The following HOXA3 variants were observed in gnomAD, a reference collection of about 807,000 sequenced individuals.
HOXA3 encodes homeobox protein Hox-A3.
In HOXA3, 8 loss-of-function variants were observed where a neutral mutation model predicts 30.3. The observed-to-expected ratio is 0.26, with a 90% CI of 0.15 to 0.48. The LOEUF (loss-of-function observed/expected upper bound fraction) is 0.48, where lower values mean the gene tolerates loss of function less well. Ranked by LOEUF, HOXA3 falls within the 20% of genes least tolerant of loss-of-function variation. HOXA3 has a pLI of 0.99. For synonymous variants in HOXA3, 323 were observed against 273.1 expected (o/e 1.18, Z -1.80); for missense variants, 653 against 614.4 (o/e 1.06, Z -0.66).
In HOXA3 at chr7:27,152,484, G is replaced by C. The variant is rs55976669; in HGVS notation, c.-690C>G. The C allele has an allele frequency of 2.0e-6, 2 of 985,994 alleles. No homozygotes were observed. The highest frequency in any genetic ancestry group is 3.3e-5 in the African/African-American group (2 of 59,806). 61.1% of individuals were successfully genotyped at this position (985,994 alleles called of 1,614,324 possible). ...GGGAGCCGCCAGGCCTGGCCTGGCC[G>C]GGGCTTCCCTTCGCTCGCCATCTCC... On this transcript the variant is annotated 5_prime_UTR_variant, in exon 1 of 6. Coordinates refer to ENST00000612286, the MANE Select transcript of HOXA3 (RefSeq NM_153631.3).
chr7:27,137,029 G>A (rs993256047), intron 2 of HOXA3, among the ~76,000 whole-genome samples: 2 of 152,200 alleles, frequency 1.3e-5, no homozygotes, highest in African/African-American at 4.8e-5. Context: ...GCAAGCCATG[G>A]ACAGACCCCC....
rs753562339 is a variant in HOXA3 at position 27,130,714 on chromosome 7, A to G, written c.-389-3644T>C. ...GGGCTCGATGTAGTTGGAGTTTATC[A>G]AAAACGAGCTCATGGTCATTAATTT... On this transcript the variant is annotated intron_variant, in intron 2 of 5. Coordinates refer to ENST00000612286, the MANE Select transcript of HOXA3 (RefSeq NM_153631.3). The G allele has an allele frequency of 2.5e-6, 4 of 1,607,452 alleles. No individual in the cohort carries two copies. Among genetic ancestry groups the G allele is most frequent in the African/African-American group, 1.3e-5 (1 of 74,624 alleles).
chr7:27,148,740 C>A (rs1280546929), intron 1 of HOXA3, among the ~76,000 whole-genome samples: 2 of 152,268 alleles, frequency 1.3e-5, no homozygotes, highest in Non-Finnish European at 2.9e-5. Context: ...TGCTCCCCTG[C>A]CTAGCGCCTG....
intron 1 of HOXA3, among the ~76,000 whole-genome samples, chr7:27,144,025 G>A (rs1339263835): frequency 6.6e-6 from 1 of 152,232 alleles, no homozygotes; most frequent in Non-Finnish European, 1.5e-5. Context: ...CATTTCCCTC[G>A]CAGTTCCATT....
rs1213283997 is a variant in HOXA3 at position 27,151,543 on chromosome 7, C to G, written c.-494+745G>C. The G allele has an allele frequency of 1.3e-5, 6 of 455,400 alleles. 1 individual carries two copies. The Admixed American group carries it at 1.4e-4, about 11-fold the overall frequency. The allele number at this position is 455,400 out of a possible 1,614,324, so 28.2% of individuals were successfully genotyped here. A position where few individuals can be genotyped will look rare whatever the true frequency, so the allele number is the denominator to read the frequency against. On this transcript the variant is annotated intron_variant, in intron 1 of 5. Coordinates refer to ENST00000612286, the MANE Select transcript of HOXA3 (RefSeq NM_153631.3). Reference sequence around the variant, plus strand: ...CACCGAAACTTCCCACCAAGTAACACCCAATTAATCCCATCCTCTCCTCCA... The same window carrying G: ...CACCGAAACTTCCCACCAAGTAACAGCCAATTAATCCCATCCTCTCCTCCA...
chr7:27,130,896 G>T lies in HOXA3; in HGVS notation c.-389-3826C>A, dbSNP rs1479354750. 6 of 650,104 alleles carry T rather than the reference G, an allele frequency of 9.2e-6. No individual in the cohort carries two copies. The African/African-American group carries it at 1.4e-4, about 15-fold the overall frequency. 40.3% of individuals were successfully genotyped at this position (650,104 alleles called of 1,614,324 possible). ...CACTCCTCCCCCTCCCGCAGACGCC[G>T]CCACCAAAGTTCGAGCCGCTCCTCC... On this transcript the variant is annotated intron_variant, in intron 2 of 5. Transcript: ENST00000612286.
intron 4 of HOXA3, chr7:27,116,787 A>C (rs1784750058): frequency 6.6e-6 from 1 of 152,228 alleles, no homozygotes. Flanking sequence ...ATTGAACAGC[A>C]ATTAAAGCTT....
chr7:27,123,826 C>T (rs966724711), intron 3 of HOXA3: 1 of 152,298 alleles, frequency 6.6e-6, no homozygotes, highest in Non-Finnish European at 1.5e-5. Context: ...ACAGTTCGAC[C>T]CGTAGCCCCC....
chr7:27,144,299 A>G (rs749498152), intron 1 of HOXA3, among the ~76,000 whole-genome samples: 2 of 152,216 alleles, frequency 1.3e-5, no homozygotes, highest in Non-Finnish European at 2.9e-5. Context: ...CCGCAGCAGC[A>G]GCAGCTACAA....
intron 1 of HOXA3, chr7:27,145,872 G>C: frequency 6.2e-7 from 1 of 1,614,196 alleles, no homozygotes; most frequent in African/African-American, 1.3e-5. Flanking sequence ...CTGGTAGCGC[G>C]TGTAGGTCTG....
Position 27,121,517 on chromosome 7 carries a change from G to C in HOXA3, c.-121+1042C>G, listed in dbSNP as rs17471786. ...ATACAGTAGCTGAGAAAGTAACACAGCTTGACTATTGCTCTGTTTACCTTC... is the reference window on the plus strand; with the variant it reads ...ATACAGTAGCTGAGAAAGTAACACACCTTGACTATTGCTCTGTTTACCTTC... On this transcript the variant is annotated intron_variant, in intron 4 of 5. Coordinates refer to ENST00000612286, the MANE Select transcript of HOXA3 (RefSeq NM_153631.3). Among the ~76,000 whole-genome samples the C allele has an allele frequency of 5.7e-3, 874 of 152,246 alleles. 15 individuals are homozygous for C. The highest frequency in any genetic ancestry group is 0.02 in the African/African-American group (836 of 41,542).
intron 2 of HOXA3, among the ~76,000 whole-genome samples, chr7:27,132,654 A>G (rs1785595239): frequency 6.6e-6 from 1 of 152,214 alleles, no homozygotes; most frequent in African/African-American, 2.4e-5. Context: ...ACTGAGTGTA[A>G]TCTTTAGCCA....
At chr7:27,112,473 C>G (rs1336030076) in intron 4 of HOXA3, among the ~76,000 whole-genome samples, 2 of 152,124 alleles carry the variant, frequency 1.3e-5, no homozygotes, top group Admixed American at 6.5e-5. Flanking sequence ...TCCAGAACCT[C>G]GATTAAAAAT....
chr7:27,134,774 T>C (rs1210158918), intron 2 of HOXA3, among the ~76,000 whole-genome samples: 1 of 152,176 alleles, frequency 6.6e-6, no homozygotes, highest in Non-Finnish European at 1.5e-5. Flanking sequence ...GTTTGGAAAA[T>C]ATTTACTTTA....
chr7:27,114,632 G>A (rs1410710250), intron 4 of HOXA3, among the ~76,000 whole-genome samples: 1 of 149,472 alleles, frequency 6.7e-6, no homozygotes, highest in Non-Finnish European at 1.5e-5. Context: ...ACAAACAAGG[G>A]TGTTTAGAAA....
intron 5 of HOXA3, 101 bp downstream of exon 5, chr7:27,110,014 G>A (rs1173974707): frequency 4.9e-6 from 7 of 1,418,770 alleles, no homozygotes; most frequent in Non-Finnish European, 6.9e-6. Context: ...GTGAATTCCA[G>A]ACATGCTCCA....
intron 5 of HOXA3, 114 bp downstream of exon 5, chr7:27,110,001 G>T: frequency 7.8e-7 from 1 of 1,282,604 alleles, no homozygotes; most frequent in Non-Finnish European, 1.1e-6. Flanking sequence ...TGGTGTGGGA[G>T]CAGTGAATTC....
intron 2 of HOXA3, chr7:27,129,548 C>T (rs1319460075): frequency 1.2e-6 from 2 of 1,613,750 alleles, no homozygotes; most frequent in Non-Finnish European, 1.7e-6. Context: ...CGCTTAGGCT[C>T]CCCTCCGTTA....
In HOXA3 at chr7:27,130,964, C is replaced by T. The variant is rs10225507; in HGVS notation, c.-389-3894G>A. ...CCGCCCCGTGCCCCACGTGCAGCGC[C>T]CCCACCAATGGGCGCACCGCGCGCG... On this transcript the variant is annotated intron_variant, in intron 2 of 5. Transcript: ENST00000612286. 0.69 allele frequency among the ~76,000 whole-genome samples: 104,319 copies of T among 151,294 alleles called. 38,306 individuals carry two copies. Among genetic ancestry groups the T allele is most frequent in the East Asian group, 0.85 (4,281 of 5,016 alleles).
Sources: allele counts gnomAD v4.1 joint callset (sites outside exome capture counted in the v4.1 genomes callset), GRCh38; gene constraint gnomAD v4.1.1; transcripts MANE v1.5; gene names NCBI Gene and HGNC (gene_info 2026-07-23, HGNC 2026-07-21).